CYB5RL: variants seen among roughly 807,000 people sequenced by gnomAD.
CYB5RL encodes the protein cytochrome b5 reductase like, also known as NADH-cytochrome b5 reductase-like.
Under a neutral mutation model 37.5 loss-of-function variants are expected in CYB5RL, and 38 were observed. That is an observed-to-expected ratio of 1.01 (90% CI 0.78 to 1.33). The LOEUF (loss-of-function observed/expected upper bound fraction) is 1.33, where lower values mean the gene tolerates loss of function less well. Among genes scored for constraint, CYB5RL ranks in the 40% most tolerant of loss-of-function variants. The pLI, the probability that CYB5RL is intolerant of heterozygous loss-of-function variation, is 0.00. For missense variants in CYB5RL, 388 were observed against 394.4 expected (o/e 0.98, Z 0.14); for synonymous variants, 141 against 151.9 (o/e 0.93, Z 0.53).
intron 7 of CYB5RL, among the ~76,000 whole-genome samples, chr1:54,177,432 C>T (rs549905256): frequency 6.4e-4 from 97 of 152,298 alleles, no homozygotes; most frequent in Non-Finnish European, 9.8e-4. Flanking sequence ...TGAACTTTAA[C>T]GGAAATGCCA....
chr1:54,175,645 T>A (rs773742053), intron 7 of CYB5RL: 1 of 446,608 alleles, frequency 2.2e-6, no homozygotes, highest in South Asian at 1.6e-5. Context: ...GGTTCCACAT[T>A]TGTGGATTCA....
chr1:54,169,721 T>C lies in CYB5RL; in HGVS notation c.*4898A>G, dbSNP rs988509501. 2.0e-5 allele frequency: 3 copies of C among 152,204 alleles called. No homozygotes were observed. The highest frequency in any genetic ancestry group is 7.2e-5 in the African/African-American group (3 of 41,440). 9.4% of individuals were successfully genotyped at this position (152,204 alleles called of 1,614,324 possible). On this transcript the variant is annotated 3_prime_UTR_variant, in exon 8 of 8. Transcript: ENST00000534324. ...AAGGTAGAAAATAATATAGTAGACA[T>C]TGGGGAACTCATTGCCCAGATTTAC...
At chr1:54,189,367 G>C (rs1194629298) in intron 4 of CYB5RL, among the ~76,000 whole-genome samples, 3 of 152,126 alleles carry the variant, frequency 2.0e-5, no homozygotes, top group African/African-American at 7.2e-5. Flanking sequence ...GGAGGTGGGT[G>C]CTGCAGGATA....
chr1:54,186,676 T>TG (rs75460225), intron 5 of CYB5RL, among the ~76,000 whole-genome samples: 6,575 of 152,120 alleles, frequency 0.043, 375 homozygotes, highest in East Asian at 0.26. Context: ...AGAGGATTTG[T>TG]GGAATCTCCC....
At chr1:54,197,543 C>A (rs541642279) in intron 1 of CYB5RL, among the ~76,000 whole-genome samples, 2 of 152,172 alleles carry the variant, frequency 1.3e-5, no homozygotes, top group East Asian at 3.9e-4. Context: ...CTGTGAAGGG[C>A]ATCTATGCAT....
At chr1:54,179,011 A>G in intron 7 of CYB5RL, 138 bp downstream of exon 7, 1 of 964,192 alleles carries the variant, frequency 1.0e-6, no homozygotes, top group Non-Finnish European at 1.6e-6. Flanking sequence ...TGCCTTCCAT[A>G]CAGGTGGGTG....
intron 6 of CYB5RL, 112 bp from the exon 7 acceptor site, chr1:54,179,464 C>T: frequency 9.1e-7 from 1 of 1,099,456 alleles, no homozygotes; most frequent in East Asian, 2.6e-5. Context: ...AGTGCCCTTC[C>T]TTGGTGTCCA....
intron 4 of CYB5RL, among the ~76,000 whole-genome samples, chr1:54,188,901 G>A (rs1025230337): frequency 3.3e-5 from 5 of 152,198 alleles, no homozygotes; most frequent in Admixed American, 2.0e-4. Context: ...AAATGCATAT[G>A]AGGCTGGGCG....
At chr1:54,193,468 G>C (rs1033235559) in intron 3 of CYB5RL, among the ~76,000 whole-genome samples, 1 of 152,154 alleles carries the variant, frequency 6.6e-6, no homozygotes, top group Non-Finnish European at 1.5e-5. Flanking sequence ...AGGTTGTCAC[G>C]AACATTCCCC....
At chr1:54,189,324 C>T (rs1399356204) in intron 4 of CYB5RL, among the ~76,000 whole-genome samples, 4 of 152,182 alleles carry the variant, frequency 2.6e-5, no homozygotes, top group East Asian at 1.9e-4. Flanking sequence ...AGAGGGAGTG[C>T]GCAGTCTCCT....
chr1:54,174,827 G>T lies in CYB5RL; in HGVS notation c.745-5C>A. On this transcript the variant is annotated splice_polypyrimidine_tract_variant and splice_region_variant and intron_variant, in intron 7 of 7. Transcript: ENST00000534324. ...AAGCTGCTCTGAGGAGCTCTCCTGGGAAGACAAGAAAGGCATGGGTGACTA... is the reference window on the plus strand; with the variant it reads ...AAGCTGCTCTGAGGAGCTCTCCTGGTAAGACAAGAAAGGCATGGGTGACTA... 6.2e-7 allele frequency: 1 copy of T among 1,611,220 alleles called. No homozygotes were observed. The highest frequency in any genetic ancestry group is 1.3e-5 in the African/African-American group (1 of 74,918).
rs532302397 is a variant in CYB5RL, at chr1:54,174,945, T to C, written c.745-123A>G. The C allele has an allele frequency of 3.9e-5, 37 of 944,404 alleles. 1 individual carries two copies. The highest frequency in any genetic ancestry group is 5.8e-5 in the Non-Finnish European group (37 of 632,564). The allele number at this position is 944,404 out of a possible 1,614,324, so 58.5% of individuals were successfully genotyped here. A position where few individuals can be genotyped will look rare whatever the true frequency, so the allele number is the denominator to read the frequency against. ...AGAGGGTGTAGGAAGCCAACCTATA[T>C]CCAGGCCCACCATGGGCCAGGCATT... On this transcript the variant is annotated intron_variant, in intron 7 of 7. Coordinates refer to ENST00000534324, the MANE Select transcript of CYB5RL (RefSeq NM_001031672.4).
rs1160046534 is a variant in CYB5RL at position 54,172,888 on chromosome 1, G to A, written c.*1731C>T. The A allele has an allele frequency of 2.6e-5, 4 of 152,204 alleles. No individual in the cohort carries two copies. Among genetic ancestry groups the A allele is most frequent in the Non-Finnish European group, 4.4e-5 (3 of 68,052 alleles). 9.4% of individuals were successfully genotyped at this position (152,204 alleles called of 1,614,324 possible). On this transcript the variant is annotated 3_prime_UTR_variant, in exon 8 of 8. Coordinates refer to ENST00000534324, the MANE Select transcript of CYB5RL (RefSeq NM_001031672.4). Reference sequence around the variant, plus strand: ...CACATACTAGGCAGGAAGAGATCATGGTTCCTGCTCAGAATCTTTGACTCT... The same window carrying A: ...CACATACTAGGCAGGAAGAGATCATAGTTCCTGCTCAGAATCTTTGACTCT...
chr1:54,179,427 T>C (rs928910550), intron 6 of CYB5RL, 75 bp from the exon 7 acceptor site: 14 of 1,440,514 alleles, frequency 9.7e-6, no homozygotes, highest in Non-Finnish European at 1.2e-5. Context: ...ATGGGACTTT[T>C]CCTTGAGCTT....
rs1407771226 is a variant in CYB5RL at position 54,171,498 on chromosome 1, A to G, written c.*3121T>C. The G allele has an allele frequency of 4.5e-6, 2 of 448,726 alleles. No individual in the cohort carries two copies. The highest frequency in any genetic ancestry group is 1.4e-4 in the East Asian group (2 of 14,250). 27.8% of individuals were successfully genotyped at this position (448,726 alleles called of 1,614,324 possible). A position where few individuals can be genotyped will look rare whatever the true frequency, so the allele number is the denominator to read the frequency against. On this transcript the variant is annotated 3_prime_UTR_variant, in exon 8 of 8. Coordinates refer to ENST00000534324, the MANE Select transcript of CYB5RL (RefSeq NM_001031672.4). ...AGGGGAACACAGAAGTGACGTTGGTAAACATGGTGAGGGCTGAACTAAAGC... is the reference window on the plus strand; with the variant it reads ...AGGGGAACACAGAAGTGACGTTGGTGAACATGGTGAGGGCTGAACTAAAGC...
intron 5 of CYB5RL, 70 bp downstream of exon 5, chr1:54,187,582 C>T (rs1643912909): frequency 6.7e-7 from 1 of 1,483,512 alleles, no homozygotes; most frequent in South Asian, 1.2e-5. Flanking sequence ...CACATTTTCC[C>T]TTTAGCTCTC....
chr1:54,184,315 C>T (rs968324236), intron 5 of CYB5RL, 50 bp from the exon 6 acceptor site: 4 of 1,505,484 alleles, frequency 2.7e-6, no homozygotes, highest in African/African-American at 1.4e-5. Context: ...ATGCTGCCAA[C>T]ACAAACCAGA....
At chr1:54,189,402 C>T (rs936300827) in intron 4 of CYB5RL, among the ~76,000 whole-genome samples, 4 of 151,876 alleles carry the variant, frequency 2.6e-5, no homozygotes, top group Non-Finnish European at 5.9e-5. Flanking sequence ...AAGGGCAAAT[C>T]GGGACAGGAA....
intron 6 of CYB5RL, among the ~76,000 whole-genome samples, chr1:54,181,767 C>A (rs1447119156): frequency 2.6e-5 from 4 of 152,300 alleles, no homozygotes; most frequent in Admixed American, 6.5e-5. Context: ...GCCTGGGCAA[C>A]ATGGTGAAAT....
Sources: allele counts gnomAD v4.1 joint callset (sites outside exome capture counted in the v4.1 genomes callset), GRCh38; gene constraint gnomAD v4.1.1; transcripts MANE v1.5; gene names NCBI Gene and HGNC (gene_info 2026-07-23, HGNC 2026-07-21).